The following ZNF385D variants were observed in gnomAD, a reference collection of about 807,000 sequenced individuals.
ZNF385D encodes zinc finger protein 385D.
ZNF385D carries 15 observed loss-of-function variants against 35.8 expected under a neutral mutation model. The observed-to-expected ratio is 0.42, with a 90% CI of 0.28 to 0.64. The LOEUF (loss-of-function observed/expected upper bound fraction) is 0.64, where lower values mean the gene tolerates loss of function less well. Among genes scored for constraint, ZNF385D ranks in the 30% least tolerant of loss-of-function variants. ZNF385D has a pLI of 0.23. For synonymous variants in ZNF385D, 212 were observed against 186.8 expected (o/e 1.13, Z -1.10); for missense variants, 474 against 494.6 (o/e 0.96, Z 0.39).
intron 3 of ZNF385D, among the ~76,000 whole-genome samples, chr3:21,955,422 T>C (rs1497938): frequency 0.32 from 48,225 of 151,930 alleles, 8,797 homozygotes; most frequent in African/African-American, 0.46. Context: ...CCAATGTTCT[T>C]CCATATCCAT....
At position 21,865,151 on chromosome 3, in the gene ZNF385D, T is replaced by C. The variant is rs567828149; in HGVS notation, c.326-200123A>G. Among the ~76,000 whole-genome samples the C allele has an allele frequency of 6.7e-5, 10 of 149,756 alleles. No individual in the cohort carries two copies. The South Asian group carries it at 1.7e-3, about 26-fold the overall frequency. ...TTGGTTGTTTTTCTTCTGGTCATTA[T>C]TGTAAGATAAGGCTATAATAGAACT... is the stretch of plus-strand genomic sequence containing the variant. On this transcript the variant is annotated intron_variant, in intron 3 of 5. Transcript: ENST00000494108.
chr3:21,997,190 C>T (rs1695517797), intron 3 of ZNF385D, among the ~76,000 whole-genome samples: 1 of 151,942 alleles, frequency 6.6e-6, no homozygotes, highest in African/African-American at 2.4e-5. Flanking sequence ...GAGTTCATGC[C>T]CTTTGTAGGG....
At chr3:21,777,372 C>T (rs2071329214) in intron 3 of ZNF385D, among the ~76,000 whole-genome samples, 4 of 151,952 alleles carry the variant, frequency 2.6e-5, no homozygotes, top group Non-Finnish European at 5.9e-5. Flanking sequence ...TGCCCTCTCT[C>T]TCTACCGAGG....
intron 2 of ZNF385D, among the ~76,000 whole-genome samples, chr3:22,306,026 G>T (rs1346692385): frequency 6.6e-6 from 1 of 152,146 alleles, no homozygotes; most frequent in Non-Finnish European, 1.5e-5. Flanking sequence ...GAGGGCAAAT[G>T]CTGCCTACCA....
intron 1 of ZNF385D, among the ~76,000 whole-genome samples, chr3:21,709,359 G>A (rs2068017939): frequency 1.3e-5 from 2 of 152,046 alleles, no homozygotes; most frequent in African/African-American, 4.8e-5. Flanking sequence ...GTCTGTACCT[G>A]CTTTTTACTA....
intron 3 of ZNF385D, among the ~76,000 whole-genome samples, chr3:21,946,289 A>G (rs1410663243): frequency 6.6e-6 from 1 of 152,178 alleles, no homozygotes; most frequent in Non-Finnish European, 1.5e-5. Context: ...GTTATTTTAC[A>G]TTCTTTATAT....
At chr3:21,760,092 T>C (rs2335428) in intron 3 of ZNF385D, among the ~76,000 whole-genome samples, 11,598 of 152,254 alleles carry the variant, frequency 0.076, 599 homozygotes, top group South Asian at 0.13. Flanking sequence ...AGTTTCAACA[T>C]TCTTTTCATT....
intron 2 of ZNF385D, among the ~76,000 whole-genome samples, chr3:22,207,933 A>G (rs555498001): frequency 6.6e-6 from 1 of 151,990 alleles, no homozygotes; most frequent in East Asian, 1.9e-4. Flanking sequence ...ACAATAACAA[A>G]TACTAGGGAG....
intron 3 of ZNF385D, among the ~76,000 whole-genome samples, chr3:21,939,200 T>C (rs2125268716): frequency 6.6e-6 from 1 of 152,358 alleles, no homozygotes; most frequent in East Asian, 1.9e-4. Flanking sequence ...ACTATGATCA[T>C]TACCACAATA....
At chr3:22,230,909 A>G (rs1465789320) in intron 2 of ZNF385D, among the ~76,000 whole-genome samples, 1 of 152,112 alleles carries the variant, frequency 6.6e-6, no homozygotes, top group Non-Finnish European at 1.5e-5. Flanking sequence ...AAAAAGATGA[A>G]AATTCTACAG....
intron 3 of ZNF385D, among the ~76,000 whole-genome samples, chr3:21,930,577 C>G (rs1448501479): frequency 2.0e-5 from 3 of 151,914 alleles, no homozygotes; most frequent in Non-Finnish European, 4.4e-5. Context: ...TATCAATTGT[C>G]AAAATTTTAC....
chr3:21,595,233 T>A (rs2064095010), intron 2 of ZNF385D, among the ~76,000 whole-genome samples: 2 of 152,202 alleles, frequency 1.3e-5, no homozygotes, highest in African/African-American at 4.8e-5. Flanking sequence ...TATAAATGCC[T>A]ATAGTGGAGT....
chr3:21,556,070 T>G (rs1282250430), intron 3 of ZNF385D, among the ~76,000 whole-genome samples: 2 of 88,708 alleles, frequency 2.3e-5, no homozygotes, highest in East Asian at 3.6e-4. Context: ...TTGTTTTTGT[T>G]TTTTTTTTTT....
chr3:21,938,244 A>G (rs537529407), intron 3 of ZNF385D, among the ~76,000 whole-genome samples: 2 of 152,204 alleles, frequency 1.3e-5, no homozygotes, highest in Non-Finnish European at 2.9e-5. Context: ...GCTTTCTCTC[A>G]GTTATGCACA....
intron 2 of ZNF385D, among the ~76,000 whole-genome samples, chr3:22,178,076 A>T (rs1408665070): frequency 1.3e-5 from 2 of 152,126 alleles, no homozygotes; most frequent in Non-Finnish European, 2.9e-5. Flanking sequence ...GCAGCATGAT[A>T]TATAATTCTT....
chr3:22,249,335 T>G (rs1354210407), intron 2 of ZNF385D, among the ~76,000 whole-genome samples: 1 of 152,170 alleles, frequency 6.6e-6, no homozygotes, highest in East Asian at 1.9e-4. Context: ...GTCTTGATCA[T>G]AGTAGGCACT....
At chr3:21,797,276 A>G (rs879939602) in intron 3 of ZNF385D, among the ~76,000 whole-genome samples, 1 of 152,196 alleles carries the variant, frequency 6.6e-6, no homozygotes, top group Non-Finnish European at 1.5e-5. Context: ...AGTTAAAACA[A>G]TTGTGAGATG....
At chr3:21,876,604 C>A (rs2125855950) in intron 3 of ZNF385D, among the ~76,000 whole-genome samples, 1 of 151,868 alleles carries the variant, frequency 6.6e-6, no homozygotes, top group Admixed American at 6.6e-5. Context: ...GTGCTCAGTG[C>A]TGGGTAAATA....
At chr3:21,712,314 T>G (rs1177331432) in intron 1 of ZNF385D, among the ~76,000 whole-genome samples, 3 of 152,204 alleles carry the variant, frequency 2.0e-5, no homozygotes, top group Non-Finnish European at 2.9e-5. Context: ...GCAGGATCCC[T>G]GCCCATTTAA....
Sources: gnomAD v4.1 joint callset for allele counts (sites outside exome capture counted in the v4.1 genomes callset) on GRCh38, gnomAD v4.1.1 for gene constraint, MANE v1.5 for transcripts, NCBI Gene and HGNC (gene_info 2026-07-23, HGNC 2026-07-21) for gene names.